MEIS1: variants seen among roughly 807,000 people sequenced by gnomAD.
The protein encoded by MEIS1 is homeobox protein Meis1.
Under a neutral mutation model 50.8 loss-of-function variants are expected in MEIS1, and 5 were observed. The ratio of observed to expected loss-of-function variants is 0.10; its 90% CI spans 0.05 to 0.21. The LOEUF (loss-of-function observed/expected upper bound fraction) is 0.21, where lower values mean the gene tolerates loss of function less well. MEIS1 is among the 10% of genes least tolerant of loss of function. The pLI is 1.00. For missense variants in MEIS1, 318 were observed against 517.3 expected, an observed-to-expected ratio of 0.61 and a Z score of 3.74; for synonymous variants, 176 against 179.3, an observed-to-expected ratio of 0.98 and a Z score of 0.15.
chr2:66,498,275 C>A (rs1034365641), intron 7 of MEIS1, among the ~76,000 whole-genome samples: 1 of 152,154 alleles, frequency 6.6e-6, no homozygotes, highest in African/African-American at 2.4e-5. Context: ...GATTTTATTT[C>A]ATCTGCCCCA....
chr2:66,564,130 A>G (rs1218598448), intron 9 of MEIS1, among the ~76,000 whole-genome samples: 2 of 152,184 alleles, frequency 1.3e-5, no homozygotes, highest in Non-Finnish European at 2.9e-5. Context: ...CACAAGTAAG[A>G]AGTTGCAGGT....
At chr2:66,500,511 G>A (rs1050801731) in intron 7 of MEIS1, among the ~76,000 whole-genome samples, 8 of 152,048 alleles carry the variant, frequency 5.3e-5, no homozygotes, top group African/African-American at 1.2e-4. Context: ...TGCAAGCTCC[G>A]CCTCTCAGGT....
intron 3 of MEIS1, 144 bp downstream of exon 3, chr2:66,440,128 CT>C: frequency 2.4e-6 from 2 of 841,192 alleles, no homozygotes; most frequent in East Asian, 2.7e-5. Flanking sequence ...CGTAGTCGGC[CT>C]TAAGCCATGC....
In MEIS1 at chr2:66,523,601, T is replaced by C. The variant is rs370086313; in HGVS notation, c.888+11307T>C. 5.3e-5 allele frequency among the ~76,000 whole-genome samples: 8 copies of C among 152,354 alleles called. No homozygotes were observed. The East Asian group carries it at 1.3e-3, about 26-fold the overall frequency. ...GCTGACGTGTATGTTGAAGTGAATA[T>C]GCTCAACAGCACTCTATGTGGAAAC... is the stretch of plus-strand genomic sequence containing the variant. On this transcript the variant is annotated intron_variant, in intron 8 of 12. Transcript: ENST00000272369.
At chr2:66,469,776 A>G (rs544252032) in intron 7 of MEIS1, among the ~76,000 whole-genome samples, 95 of 151,940 alleles carry the variant, frequency 6.3e-4, no homozygotes, top group Non-Finnish European at 8.2e-4. Flanking sequence ...TTTCTTTCCT[A>G]TGGACAACTT....
chr2:66,494,669 G>A (rs1255810767), intron 7 of MEIS1, among the ~76,000 whole-genome samples: 1 of 152,170 alleles, frequency 6.6e-6, no homozygotes, highest in Non-Finnish European at 1.5e-5. Flanking sequence ...TTCTCCCATA[G>A]TCAGGGAATG....
intron 5 of MEIS1, among the ~76,000 whole-genome samples, chr2:66,442,157 T>C (rs1672001789): frequency 6.6e-6 from 1 of 151,834 alleles, no homozygotes; most frequent in African/African-American, 2.4e-5. Context: ...TAACATTAAA[T>C]TGCAAGCACA....
chr2:66,536,563 A>AT (rs921687629), intron 8 of MEIS1, among the ~76,000 whole-genome samples: 4 of 151,902 alleles, frequency 2.6e-5, no homozygotes, highest in East Asian at 1.9e-4. Context: ...ATAAATACTG[A>AT]TTTTTTTTTC....
chr2:66,502,020 A>G (rs1047026893), intron 7 of MEIS1, among the ~76,000 whole-genome samples: 1 of 152,242 alleles, frequency 6.6e-6, no homozygotes, highest in Non-Finnish European at 1.5e-5. Context: ...TGAATTATTT[A>G]TAGTAAAGAA....
intron 7 of MEIS1, among the ~76,000 whole-genome samples, chr2:66,472,401 G>A (rs1017260264): frequency 2.0e-5 from 3 of 152,194 alleles, no homozygotes; most frequent in Non-Finnish European, 4.4e-5. Flanking sequence ...GGATGGGAAT[G>A]TAAATTTATA....
chr2:66,522,347 A>G (rs946893690), intron 8 of MEIS1, among the ~76,000 whole-genome samples: 4 of 152,156 alleles, frequency 2.6e-5, no homozygotes, highest in Non-Finnish European at 5.9e-5. Context: ...ATAGATGAGG[A>G]AGTTTACTTT....
rs1671802535 is a variant in MEIS1 at position 66,436,611 on chromosome 2, C to G, written c.12+743C>G. ...ATAATTTGTGTCCTGGCCCTCAAAG[C>G]CCTGTTTGCAAAAGAAAGTTACTAG... is the stretch of plus-strand genomic sequence containing the variant. On this transcript the variant is annotated intron_variant, in intron 1 of 12. Coordinates refer to ENST00000272369, the MANE Select transcript of MEIS1 (RefSeq NM_002398.3). Among the ~76,000 whole-genome samples the G allele has an allele frequency of 6.6e-5, 10 of 152,340 alleles. No individual in the cohort carries two copies. The South Asian group carries it at 2.1e-3, about 32-fold the overall frequency.
At chr2:66,522,895 T>A (rs1187309344) in intron 8 of MEIS1, among the ~76,000 whole-genome samples, 1 of 152,224 alleles carries the variant, frequency 6.6e-6, no homozygotes, top group Non-Finnish European at 1.5e-5. Context: ...TTTTGGATTT[T>A]TGCAGAGTGC....
chr2:66,512,601 T>A (rs1238084503), intron 8 of MEIS1, among the ~76,000 whole-genome samples: 1 of 152,234 alleles, frequency 6.6e-6, no homozygotes, highest in Non-Finnish European at 1.5e-5. Flanking sequence ...GACCCTTAAG[T>A]GCTCAGAACC....
chr2:66,440,018 CAA>C (rs750522306), intron 3 of MEIS1, 34 bp downstream of exon 3: 51 of 1,561,200 alleles, frequency 3.3e-5, no homozygotes, highest in Non-Finnish European at 4.1e-5. Context: ...GTAAAAGAAA[CAA>C]AAAGAGAGCC....
chr2:66,561,791 C>G (rs1409005002), intron 9 of MEIS1, among the ~76,000 whole-genome samples: 1 of 152,170 alleles, frequency 6.6e-6, no homozygotes, highest in East Asian at 1.9e-4. Flanking sequence ...ATGTCCACCA[C>G]TATCCTGCTG....
intron 7 of MEIS1, 126 bp from the exon 8 acceptor site, chr2:66,512,023 C>T (rs1673844198): frequency 5.4e-6 from 6 of 1,113,292 alleles, no homozygotes; most frequent in Non-Finnish European, 6.0e-6. Flanking sequence ...AACAAAAAAA[C>T]AGTACCAAAG....
In MEIS1 at chr2:66,440,866, G is replaced by T. The variant is rs999734655; in HGVS notation, c.432+254G>T. On this transcript the variant is annotated intron_variant, in intron 4 of 12. Coordinates refer to ENST00000272369, the MANE Select transcript of MEIS1 (RefSeq NM_002398.3). Reference sequence around the variant, plus strand: ...TTGTTTTTTATGACAGCCGGGCTGCGCAGCTCTAATCAGCGCGGGGATTTA... The same window carrying T: ...TTGTTTTTTATGACAGCCGGGCTGCTCAGCTCTAATCAGCGCGGGGATTTA... 17 of 557,252 alleles carry T rather than the reference G, an allele frequency of 3.1e-5. No homozygotes were observed. The South Asian group carries it at 4.2e-4, about 14-fold the overall frequency. 34.5% of individuals were successfully genotyped at this position (557,252 alleles called of 1,614,324 possible).
intron 6 of MEIS1, 63 bp from the exon 7 acceptor site, chr2:66,464,046 G>A (rs1672580747): frequency 8.3e-7 from 1 of 1,199,044 alleles, no homozygotes; most frequent in Non-Finnish European, 1.2e-6. Context: ...TTATGCCATG[G>A]GATCCTACCA....
Sources: allele counts gnomAD v4.1 joint callset (sites outside exome capture counted in the v4.1 genomes callset), GRCh38; gene constraint gnomAD v4.1.1; transcripts MANE v1.5; gene names NCBI Gene and HGNC (gene_info 2026-07-23, HGNC 2026-07-21).